The following ARHGEF18 variants were observed in gnomAD, a reference collection of about 807,000 sequenced individuals.
The protein encoded by ARHGEF18 is Rho/Rac guanine nucleotide exchange factor 18, also known as rho guanine nucleotide exchange factor 18.
ARHGEF18 carries 93 observed loss-of-function variants against 155.7 expected under a neutral mutation model. That is an observed-to-expected ratio of 0.60 (90% CI 0.50 to 0.71). ARHGEF18 has a LOEUF of 0.71. Among genes scored for constraint, ARHGEF18 ranks in the 30% least tolerant of loss-of-function variants. ARHGEF18 has a pLI of 0.00. For missense variants in ARHGEF18, 1,593 were observed against 1,816.1 expected (o/e 0.88, Z 2.23); for synonymous variants, 742 against 753.1 (o/e 0.99, Z 0.24).
chr19:7,382,812 AG>A lies in ARHGEF18; in HGVS notation c.744del (p.Asn249ThrfsTer10). 1.6e-6 allele frequency: 2 copies of A among 1,232,544 alleles called. No homozygotes were observed. The highest frequency in any genetic ancestry group is 2.0e-6 in the Non-Finnish European group (2 of 988,102). The allele number at this position is 1,232,544 out of a possible 1,614,324, so 76.4% of individuals were successfully genotyped here. The stretch of plus-strand genomic sequence containing the variant: ...CTCAGGAGCGAGGACGGTGCTGGCA[AG>A]AACGAGAAGAGTGACAAGAGTACCA... ...FLSESEDGAG[K>X]NEKSDKSTSV... On this transcript the variant is annotated frameshift_variant, in exon 9 of 29. Transcript: ENST00000668164. LOFTEE classifies it high-confidence loss of function.
the ARHGEF18 span, chr19:7,478,496 C>G: frequency 1.9e-6 from 2 of 1,031,328 alleles, no homozygotes; most frequent in Admixed American, 4.1e-5. Flanking sequence ...ACGGCCTGCC[C>G]TCTCCCTGCC....
chr19:7,419,653 T>C (rs1973235296), intron 10 of ARHGEF18, among the ~76,000 whole-genome samples: 1 of 151,964 alleles, frequency 6.6e-6, no homozygotes, highest in Non-Finnish European at 1.5e-5. Flanking sequence ...CAGGCCACCC[T>C]AGCCTAAACC....
At chr19:7,422,483 T>G (rs1286856281) in intron 10 of ARHGEF18, among the ~76,000 whole-genome samples, 1 of 151,914 alleles carries the variant, frequency 6.6e-6, no homozygotes, top group Non-Finnish European at 1.5e-5. Flanking sequence ...TCCTTCTTTC[T>G]TCTAATGACC....
chr19:7,392,325 T>A (rs1164140742), intron 10 of ARHGEF18, among the ~76,000 whole-genome samples: 1 of 151,502 alleles, frequency 6.6e-6, no homozygotes, highest in Admixed American at 6.6e-5. Flanking sequence ...TCCTTCCTAG[T>A]TGTCTCTGAG....
chr19:7,448,654 T>G (rs1298167403), intron 15 of ARHGEF18, among the ~76,000 whole-genome samples: 1 of 148,204 alleles, frequency 6.7e-6, no homozygotes, highest in Non-Finnish European at 1.5e-5. Context: ...AGAGCGAAAC[T>G]CCGTCTCAAA....
intron 8 of ARHGEF18, 44 bp downstream of exon 8, chr19:7,381,038 G>C: frequency 8.2e-7 from 1 of 1,220,448 alleles, no homozygotes; most frequent in South Asian, 4.2e-5. Flanking sequence ...CCTTGGATTC[G>C]AACAAGTGTT....
chr19:7,417,834 C>T (rs1405959576), intron 10 of ARHGEF18, among the ~76,000 whole-genome samples: 1 of 152,154 alleles, frequency 6.6e-6, no homozygotes, highest in Non-Finnish European at 1.5e-5. Flanking sequence ...AGAGTGAAGG[C>T]TGGTGGTAGC....
intron 2 of ARHGEF18, among the ~76,000 whole-genome samples, chr19:7,371,870 T>C (rs1299606318): frequency 6.6e-6 from 1 of 151,206 alleles, no homozygotes; most frequent in Non-Finnish European, 1.5e-5. Context: ...TGTATTTCAC[T>C]GGAATAAAAA....
In ARHGEF18 at chr19:7,440,154, C is replaced by T; in HGVS notation, c.968-190C>T. On this transcript the variant is annotated intron_variant, in intron 10 of 28. Transcript: ENST00000668164. The surrounding 1 kb of genome is among the most constrained non-coding windows in gnomAD (Gnocchi z 5.4). ...GGACAGGCACAGCGCGCTCCCCGGC[C>T]GCCCCGAGCTGTCTTTTTACGGCTC... The T allele has an allele frequency of 6.4e-7, 1 of 1,551,378 alleles. No individual in the cohort carries two copies. The highest frequency in any genetic ancestry group is 1.4e-5 in the African/African-American group (1 of 73,162).
Position 7,367,870 on chromosome 19 carries a change from T to A in ARHGEF18, c.16-4942T>A, listed in dbSNP as rs985914209. Among the ~76,000 whole-genome samples the A allele has an allele frequency of 4.3e-4, 26 of 59,860 alleles. 3 individuals carry two copies. Among genetic ancestry groups the A allele is most frequent in the South Asian group, 1.3e-3 (3 of 2,344 alleles). The allele number at this position is 59,860 out of a possible 152,430, so 39.3% of individuals were successfully genotyped here. Reference sequence around the variant, plus strand: ...TATATATATATACACATATATATTTTTATATATATATATTTTATATATATT... The same window carrying A: ...TATATATATATACACATATATATTTATATATATATATATTTTATATATATT... On this transcript the variant is annotated intron_variant, in intron 2 of 28. Coordinates refer to ENST00000668164, the MANE Select transcript of ARHGEF18 (RefSeq NM_001367823.1).
Position 7,362,795 on chromosome 19 carries a change from T to A in ARHGEF18, c.-96T>A, listed in dbSNP as rs781408134. 8.1e-7 allele frequency: 1 copy of A among 1,233,984 alleles called. No individual in the cohort carries two copies. Among genetic ancestry groups the A allele is most frequent in the Non-Finnish European group, 1.0e-6 (1 of 988,086 alleles). 76.4% of individuals were successfully genotyped at this position (1,233,984 alleles called of 1,614,324 possible). On this transcript the variant is annotated 5_prime_UTR_variant, in exon 2 of 29. Transcript: ENST00000668164. ...TTTCTCCACAGGCTCTGAGCCCAAG[T>A]CATGTGTCCAGCCTTTTGACTCTGG...
chr19:7,424,720 G>A (rs1323116532), intron 10 of ARHGEF18, among the ~76,000 whole-genome samples: 1 of 152,144 alleles, frequency 6.6e-6, no homozygotes, highest in African/African-American at 2.4e-5. Flanking sequence ...TTTAGACTGG[G>A]CGCGGTGGCT....
In ARHGEF18 at chr19:7,464,576, G is replaced by T. The variant is rs772069376; in HGVS notation, c.2790G>T (p.Lys930Asn). The T allele has an allele frequency of 9.3e-6, 15 of 1,611,348 alleles. No individual in the cohort carries two copies. In the Middle Eastern group the frequency reaches 5.0e-4, roughly 53 times the overall value. ...GGTTCTCAGATGGCAGTTTCAAGAA[G>T]AAAGTCAGCAGCACTGACCCCAGGC... is the stretch of plus-strand genomic sequence containing the variant. The part of the protein sequence containing the change: ...NSPTKNGSFK[K>N]KVSSTDPRPR... Residue 930 changes from lysine (K) to asparagine (N), a missense_variant, in exon 23 of 29, where the codon AAG becomes AAT. Coordinates refer to ENST00000668164, the MANE Select transcript of ARHGEF18 (RefSeq NM_001367823.1).
At chr19:7,437,962 T>C (rs567187536) in intron 10 of ARHGEF18, among the ~76,000 whole-genome samples, 42 of 150,664 alleles carry the variant, frequency 2.8e-4, no homozygotes, top group African/African-American at 1.0e-3. Context: ...AGATTTCTAT[T>C]TCTCTTCTCT....
intron 2 of ARHGEF18, among the ~76,000 whole-genome samples, chr19:7,363,937 G>T (rs1969754396): frequency 6.6e-6 from 1 of 151,440 alleles, no homozygotes; most frequent in African/African-American, 2.4e-5. Context: ...ATAAAAGAAT[G>T]AAGGAAGGAT....
Position 7,444,434 on chromosome 19 carries a change from G to A in ARHGEF18, c.1591G>A (p.Gly531Ser), listed in dbSNP as rs143250565. ...SDRNYVIQKIGDLLVQQFSGE... is the reference protein window; with the variant it reads ...SDRNYVIQKISDLLVQQFSGE... ...CCGGAATTATGTCATCCAGAAAATC[G>A]GCGACCTCCTGGTTCAGCAGGTGGG... is the stretch of plus-strand genomic sequence containing the variant. The change falls in exon 14 of 29, where the codon GGC becomes AGC. Residue 531 changes from glycine (G) to serine (S), a missense_variant. By Grantham distance (56) the Gly-to-Ser change is moderately conservative. Coordinates refer to ENST00000668164, the MANE Select transcript of ARHGEF18 (RefSeq NM_001367823.1). This position sits in a 1 kb window ranked among gnomAD's most constrained non-coding sequence, Gnocchi z 4.7. 9.9e-6 allele frequency: 16 copies of A among 1,613,434 alleles called. No individual in the cohort carries two copies. The highest frequency in any genetic ancestry group is 6.7e-5 in the Admixed American group (4 of 59,996).
chr19:7,456,213 G>A, intron 17 of ARHGEF18, 114 bp from the exon 18 acceptor site: 2 of 929,566 alleles, frequency 2.2e-6, no homozygotes, highest in South Asian at 2.7e-5. Flanking sequence ...CTAGGCCCAG[G>A]CAGAAGCATC....
In ARHGEF18 at chr19:7,444,386, G is replaced by C; in HGVS notation, c.1543G>C (p.Glu515Gln). The stretch of plus-strand genomic sequence containing the variant: ...CGCTCGGCTCAAGGAGCGCCGCCAG[G>C]AGTCCCTGGAGGAGGGCAGTGACCG... ...FLARLKERRQ[E>Q]SLEEGSDRNY... is the part of the protein sequence containing the mutation. Residue 515 changes from glutamate to glutamine, a missense_variant, in exon 14 of 29, where the codon GAG becomes CAG. Transcript: ENST00000668164. This position sits in a 1 kb window ranked among gnomAD's most constrained non-coding sequence, Gnocchi z 4.7. 1 of 1,613,644 alleles carries C rather than the reference G, an allele frequency of 6.2e-7. No individual in the cohort carries two copies. Among genetic ancestry groups the C allele is most frequent in the Non-Finnish European group, 8.5e-7 (1 of 1,180,028 alleles).
rs182602704 is a variant in ARHGEF18, at chr19:7,417,447, T to C, written c.968-22897T>C. Among the ~76,000 whole-genome samples, 398 of 152,240 alleles carry C rather than the reference T, an allele frequency of 2.6e-3. 2 individuals are homozygous for C. Among genetic ancestry groups the C allele is most frequent in the African/African-American group, 9.4e-3 (389 of 41,560 alleles). On this transcript the variant is annotated intron_variant, in intron 10 of 28. Transcript: ENST00000668164. The stretch of plus-strand genomic sequence containing the variant: ...GCACAGTGGCTCACACCTGTAATCC[T>C]AGCACTTTGGGAGACCAAGGCGGGC...
Sources: gnomAD v4.1 joint callset for allele counts (sites outside exome capture counted in the v4.1 genomes callset) on GRCh38, gnomAD v4.1.1 for gene constraint, Gnocchi (gnomAD v3.1) non-coding constraint, MANE v1.5 for transcripts, NCBI Gene and HGNC (gene_info 2026-07-23, HGNC 2026-07-21) for gene names.